The following PYHIN1 variants were observed in gnomAD, a reference collection of about 807,000 sequenced individuals.
PYHIN1 encodes the protein pyrin and HIN domain-containing protein 1.
Under a neutral mutation model 43.7 loss-of-function variants are expected in PYHIN1, and 32 were observed. That is an observed-to-expected ratio of 0.73 (90% CI 0.55 to 0.98). The LOEUF is 0.98. PYHIN1 is among the 50% of genes least tolerant of loss of function. The probability of loss-of-function intolerance (pLI) is 0.00; values close to 1 mark genes in which losing one functional copy is unlikely to be tolerated. For synonymous variants in PYHIN1, 205 were observed against 203.1 expected, an observed-to-expected ratio of 1.01 and a Z score of -0.08; for missense variants, 588 against 589.5, an observed-to-expected ratio of 1.00 and a Z score of 0.03.
chr1:158,977,456 A>G (rs1391003857), downstream of PYHIN1, among the ~76,000 whole-genome samples: 1 of 152,108 alleles, frequency 6.6e-6, no homozygotes, highest in East Asian at 1.9e-4. Flanking sequence ...ATCTGGTTCT[A>G]TACATTTCCT....
At chr1:158,978,095 C>T (rs1651355828), downstream of PYHIN1, among the ~76,000 whole-genome samples, 1 of 152,108 alleles carries the variant, frequency 6.6e-6, no homozygotes, top group African/African-American at 2.4e-5. Flanking sequence ...TTTGGACCAA[C>T]AATCCAAGGA....
chr1:158,982,905 T>G, the PYHIN1 span, among the ~76,000 whole-genome samples: 2 of 152,146 alleles, frequency 1.3e-5, no homozygotes, highest in South Asian at 4.1e-4. Context: ...GTGGCTATTG[T>G]GAAAGGAACT....
At chr1:158,977,255 G>A (rs2793857), downstream of PYHIN1, among the ~76,000 whole-genome samples, 133,224 of 151,970 alleles carry the variant, frequency 0.88, 59,890 homozygotes, top group Middle Eastern at 0.98. Flanking sequence ...AATCCAGCCT[G>A]TGATTCTGTT....
At chr1:158,976,652 T>C (rs773037075) in intron 8 of PYHIN1, 49 bp from the exon 9 acceptor site, 2 of 1,458,394 alleles carry the variant, frequency 1.4e-6, no homozygotes, top group South Asian at 2.5e-5. Context: ...AAGAAATGTA[T>C]GACTCCCTGC....
At chr1:158,943,038 T>A (rs1296156721) in intron 5 of PYHIN1, among the ~76,000 whole-genome samples, 1 of 152,220 alleles carries the variant, frequency 6.6e-6, no homozygotes, top group African/African-American at 2.4e-5. Context: ...TCTGATATGT[T>A]ACTGTCAAAA....
chr1:158,955,406 C>G (rs1649854659), intron 7 of PYHIN1, among the ~76,000 whole-genome samples: 1 of 150,340 alleles, frequency 6.7e-6, no homozygotes, highest in African/African-American at 2.4e-5. Flanking sequence ...AACTATCTCT[C>G]AGACCACAGT....
Position 158,934,499 on chromosome 1 carries a change from A to G in PYHIN1, c.-20-2392A>G, listed in dbSNP as rs150377860. ...ATTTTTGGATCTTTGCAGGTGATCT[A>G]AAGCCTTCATTCTCGGAGGCTTATG... On this transcript the variant is annotated intron_variant, in intron 1 of 8. Transcript: ENST00000368140. Among the ~76,000 whole-genome samples, 23 of 152,126 alleles carry G rather than the reference A, an allele frequency of 1.5e-4. No homozygotes were observed. In the East Asian group the frequency reaches 4.3e-3, roughly 28 times the overall value.
intron 5 of PYHIN1, among the ~76,000 whole-genome samples, chr1:158,942,807 G>C (rs972083430): frequency 6.6e-6 from 1 of 152,106 alleles, no homozygotes; most frequent in African/African-American, 2.4e-5. Context: ...GTTCTTTGAG[G>C]CTTGAGTTCC....
intron 6 of PYHIN1, among the ~76,000 whole-genome samples, 168 bp downstream of exon 6, chr1:158,944,146 A>G (rs1649087464): frequency 6.6e-6 from 1 of 152,190 alleles, no homozygotes; most frequent in Non-Finnish European, 1.5e-5. Context: ...ATTAAAATAT[A>G]TTAAGAGATG....
At chr1:158,972,572 T>C (rs1179622480) in intron 7 of PYHIN1, among the ~76,000 whole-genome samples, 2 of 151,966 alleles carry the variant, frequency 1.3e-5, no homozygotes, top group African/African-American at 4.8e-5. Context: ...AGTGTGTTCC[T>C]CTCTTACATT....
At chr1:158,955,303 T>G (rs1210074758) in intron 7 of PYHIN1, among the ~76,000 whole-genome samples, 1 of 151,672 alleles carries the variant, frequency 6.6e-6, no homozygotes, top group East Asian at 1.9e-4. Context: ...ATATACATTT[T>G]TTTCAGCACC....
the PYHIN1 span, among the ~76,000 whole-genome samples, chr1:158,986,656 G>A: frequency 2.0e-5 from 3 of 152,162 alleles, no homozygotes; most frequent in African/African-American, 7.2e-5. Flanking sequence ...GATCAAACCA[G>A]CCCCACCCTT....
At position 158,945,048 on chromosome 1, in the gene PYHIN1, A is replaced by G. The variant is rs778372720; in HGVS notation, c.1359+6A>G. ...CCAGCAGTTCCTTCACCAAGGTACA[A>G]TATCCTGGGTCCCATGACTCTTATC... On this transcript the variant is annotated splice_donor_region_variant and intron_variant, in intron 7 of 8. Coordinates refer to ENST00000368140, the MANE Select transcript of PYHIN1 (RefSeq NM_152501.5). 1.5e-5 allele frequency: 24 copies of G among 1,609,930 alleles called. No individual in the cohort carries two copies. The highest frequency in any genetic ancestry group is 2.0e-5 in the Non-Finnish European group (23 of 1,178,212).
intron 4 of PYHIN1, among the ~76,000 whole-genome samples, chr1:158,941,728 C>T (rs1648926197): frequency 6.6e-6 from 1 of 152,070 alleles, no homozygotes; most frequent in Non-Finnish European, 1.5e-5. Flanking sequence ...TCTTTTGTTG[C>T]TATTATATCT....
intron 7 of PYHIN1, among the ~76,000 whole-genome samples, 197 bp from the exon 8 acceptor site, chr1:158,973,450 T>C (rs1055890528): frequency 6.6e-6 from 1 of 151,608 alleles, no homozygotes; most frequent in African/African-American, 2.4e-5. Flanking sequence ...GAAAACTAAA[T>C]GTATGCCAGC....
At chr1:158,972,384 T>C (rs1650982876) in intron 7 of PYHIN1, among the ~76,000 whole-genome samples, 1 of 152,082 alleles carries the variant, frequency 6.6e-6, no homozygotes, top group South Asian at 2.1e-4. Flanking sequence ...TTTATTTTAC[T>C]ATATTTCTCA....
intron 7 of PYHIN1, 113 bp from the exon 8 acceptor site, chr1:158,973,533 AC>A: frequency 2.0e-6 from 2 of 1,007,132 alleles, no homozygotes; most frequent in Non-Finnish European, 3.0e-6. Context: ...ACACACACAC[AC>A]ACATATACAC....
intron 7 of PYHIN1, among the ~76,000 whole-genome samples, chr1:158,957,102 AGAG>A (rs1649988093): frequency 6.9e-6 from 1 of 145,720 alleles, no homozygotes; most frequent in Admixed American, 6.9e-5. Flanking sequence ...AGGAAATAAA[AGAG>A]GATACAAACA....
At chr1:158,979,561 CTATT>C (rs1395309306), downstream of PYHIN1, among the ~76,000 whole-genome samples, 1 of 152,132 alleles carries the variant, frequency 6.6e-6, no homozygotes. Flanking sequence ...ATTTTCTTAT[CTATT>C]CATTCAAAAC....
Sources: gnomAD v4.1 joint callset for allele counts (sites outside exome capture counted in the v4.1 genomes callset) on GRCh38, gnomAD v4.1.1 for gene constraint, MANE v1.5 for transcripts, NCBI Gene and HGNC (gene_info 2026-07-23, HGNC 2026-07-21) for gene names.